Variants in MIPOL1 observed in about 807,000 individuals in gnomAD.
The protein encoded by MIPOL1 is mirror-image polydactyly 1.
In MIPOL1, 57 loss-of-function variants were observed where a neutral mutation model predicts 60.9. The observed-to-expected ratio is 0.94, with a 90% confidence interval of 0.76 to 1.17. The LOEUF is 1.17. MIPOL1 is among the 50% of genes most tolerant of loss of function. The pLI is 0.00. For synonymous variants in MIPOL1, 179 were observed against 168.8 expected (o/e 1.06, Z -0.47); for missense variants, 551 against 511.6 (o/e 1.08, Z -0.74).
At chr14:37,425,577 A>T (rs937675378) in intron 11 of MIPOL1, among the ~76,000 whole-genome samples, 1 of 152,144 alleles carries the variant, frequency 6.6e-6, no homozygotes, top group Non-Finnish European at 1.5e-5. Context: ...AACCTCACCA[A>T]GCTCCTTTCC....
intron 9 of MIPOL1, among the ~76,000 whole-genome samples, chr14:37,315,146 A>G (rs1267861286): frequency 1.3e-5 from 2 of 152,132 alleles, no homozygotes; most frequent in Non-Finnish European, 2.9e-5. Flanking sequence ...TTCAAGATGA[A>G]TTGTTGCTCT....
chr14:37,242,314 T>C (rs1972485941), intron 1 of MIPOL1, among the ~76,000 whole-genome samples: 1 of 152,118 alleles, frequency 6.6e-6, no homozygotes, highest in Non-Finnish European at 1.5e-5. Flanking sequence ...TTCTTATGTA[T>C]ACTTCTGTAA....
chr14:37,357,369 A>C (rs992747940), intron 9 of MIPOL1, among the ~76,000 whole-genome samples: 3 of 152,098 alleles, frequency 2.0e-5, no homozygotes, highest in African/African-American at 7.2e-5. Context: ...ATATTGCTCA[A>C]GAAATGTTCA....
chr14:37,255,713 A>G (rs1421369206), intron 3 of MIPOL1, among the ~76,000 whole-genome samples: 2 of 151,852 alleles, frequency 1.3e-5, no homozygotes, highest in South Asian at 2.1e-4. Flanking sequence ...TAAGTAGACT[A>G]TAGTGTAAAT....
chr14:37,202,023 C>A (rs1054480175), intron 1 of MIPOL1, among the ~76,000 whole-genome samples: 2 of 152,122 alleles, frequency 1.3e-5, no homozygotes, highest in Non-Finnish European at 1.5e-5. Context: ...TTTGTTGAGA[C>A]AGAGTCTACC....
At chr14:37,298,089 G>T (rs2085946241) in intron 7 of MIPOL1, among the ~76,000 whole-genome samples, 1 of 152,132 alleles carries the variant, frequency 6.6e-6, no homozygotes, top group Non-Finnish European at 1.5e-5. Context: ...CATGGTGCTG[G>T]TACCAAAACA....
chr14:37,259,828 T>A (rs1006115102), intron 3 of MIPOL1, among the ~76,000 whole-genome samples: 9 of 152,148 alleles, frequency 5.9e-5, no homozygotes, highest in Non-Finnish European at 2.9e-5. Context: ...GTATAAGCAA[T>A]TTGAGCAATG....
intron 12 of MIPOL1, among the ~76,000 whole-genome samples, chr14:37,518,156 CTATGTTAACAGT>C: frequency 6.6e-6 from 1 of 151,962 alleles, no homozygotes; most frequent in Non-Finnish European, 1.5e-5. Flanking sequence ...AGTTTACTAA[CTATGTTAACAGT>C]TATTAGCCCT....
chr14:37,412,295 T>C (rs1255796615), intron 10 of MIPOL1, among the ~76,000 whole-genome samples: 1 of 152,140 alleles, frequency 6.6e-6, no homozygotes, highest in Non-Finnish European at 1.5e-5. Context: ...GTTTTGGGAC[T>C]ACTATATAGT....
At chr14:37,474,274 C>T (rs2094732976) in intron 11 of MIPOL1, among the ~76,000 whole-genome samples, 1 of 151,966 alleles carries the variant, frequency 6.6e-6, no homozygotes, top group Non-Finnish European at 1.5e-5. Flanking sequence ...TGGGTAAAAA[C>T]CTTGGAGCAT....
chr14:37,216,708 A>G (rs1967777630), intron 1 of MIPOL1, among the ~76,000 whole-genome samples: 1 of 152,224 alleles, frequency 6.6e-6, no homozygotes, highest in Non-Finnish European at 1.5e-5. Context: ...AGAAATGAAG[A>G]AGAAAATTGA....
chr14:37,509,485 G>T (rs528748979), intron 12 of MIPOL1, among the ~76,000 whole-genome samples: 1 of 152,012 alleles, frequency 6.6e-6, no homozygotes, highest in African/African-American at 2.4e-5. Context: ...TAATCTGTTT[G>T]CAGGATGAAT....
At chr14:37,363,605 G>A (rs2092363174) in intron 9 of MIPOL1, among the ~76,000 whole-genome samples, 1 of 152,204 alleles carries the variant, frequency 6.6e-6, no homozygotes, top group Non-Finnish European at 1.5e-5. Context: ...TACTTGAGGA[G>A]GCAGTCTGTC....
chr14:37,512,727 C>G (rs998141565), intron 12 of MIPOL1, among the ~76,000 whole-genome samples: 4 of 151,962 alleles, frequency 2.6e-5, no homozygotes, highest in African/African-American at 9.7e-5. Flanking sequence ...CAAAATTAGA[C>G]ATATCCAAAC....
rs79326964 is a variant in MIPOL1 at position 37,411,534 on chromosome 14, G to C, written c.937-11321G>C. Among the ~76,000 whole-genome samples the C allele has an allele frequency of 4.7e-3, 721 of 152,216 alleles. 4 individuals carry two copies. The highest frequency in any genetic ancestry group is 0.015 in the African/African-American group (637 of 41,540). On this transcript the variant is annotated intron_variant, in intron 10 of 12. Transcript: ENST00000684589. ...TAAAGATCATCAGAGATTCTGGGTAGTATGTAAACCTGTGGCCACTCTAGT... is the reference window on the plus strand; with the variant it reads ...TAAAGATCATCAGAGATTCTGGGTACTATGTAAACCTGTGGCCACTCTAGT...
intron 6 of MIPOL1, chr14:37,277,615 T>G (rs2083777151): frequency 6.6e-6 from 1 of 151,388 alleles, no homozygotes; most frequent in Non-Finnish European, 1.5e-5. Flanking sequence ...TGAAACATAC[T>G]ATTTTGCATA....
intron 10 of MIPOL1, among the ~76,000 whole-genome samples, chr14:37,415,143 G>C (rs1333912669): frequency 1.3e-5 from 2 of 152,090 alleles, no homozygotes; most frequent in Non-Finnish European, 2.9e-5. Context: ...GGTCTGTAAA[G>C]TTGAGGGAAA....
intron 9 of MIPOL1, among the ~76,000 whole-genome samples, chr14:37,363,770 G>A (rs1178457214): frequency 6.6e-6 from 1 of 152,142 alleles, no homozygotes; most frequent in Non-Finnish European, 1.5e-5. Flanking sequence ...AGGCCTTCCC[G>A]AGCTGTGGTG....
At chr14:37,520,847 A>T (rs975832086) in intron 12 of MIPOL1, among the ~76,000 whole-genome samples, 1 of 151,850 alleles carries the variant, frequency 6.6e-6, no homozygotes, top group Non-Finnish European at 1.5e-5. Flanking sequence ...ATAAAAAAGA[A>T]AGTAGATTAA....
Sources: gnomAD v4.1 joint callset for allele counts (sites outside exome capture counted in the v4.1 genomes callset) on GRCh38, gnomAD v4.1.1 for gene constraint, MANE v1.5 for transcripts, NCBI Gene and HGNC (gene_info 2026-07-23, HGNC 2026-07-21) for gene names.